Variants in ADAMTSL1 observed in about 807,000 individuals in gnomAD.
ADAMTSL1 encodes the protein ADAMTS like 1, also known as ADAMTS-like protein 1.
Under a neutral mutation model 201.8 loss-of-function variants are expected in ADAMTSL1, and 126 were observed. The observed-to-expected ratio is 0.62, with a 90% CI of 0.54 to 0.72. The LOEUF (loss-of-function observed/expected upper bound fraction) is 0.72. ADAMTSL1 is among the 30% of genes least tolerant of loss of function. ADAMTSL1 has a pLI of 0.00. For missense variants in ADAMTSL1, 2,679 were observed against 2,277.8 expected (o/e 1.18, Z -3.59); for synonymous variants, 1,121 against 903.4 (o/e 1.24, Z -4.32).
At chr9:18,029,633 T>C (rs1265569076) in intron 1 of ADAMTSL1, among the ~76,000 whole-genome samples, 4 of 151,700 alleles carry the variant, frequency 2.6e-5, no homozygotes, top group African/African-American at 9.7e-5. Flanking sequence ...GGAGAAAATT[T>C]TCGCAACCTA....
chr9:18,300,477 G>A (rs1385130512), intron 2 of ADAMTSL1, among the ~76,000 whole-genome samples: 1 of 152,084 alleles, frequency 6.6e-6, no homozygotes, highest in African/African-American at 2.4e-5. Flanking sequence ...GGGGGGCTGG[G>A]GGAGGGATAG....
rs1563913279 is a variant in ADAMTSL1, at chr9:18,909,660, A to AAC, written c.*1112_*1113insAC. On this transcript the variant is annotated 3_prime_UTR_variant, in exon 29 of 29. Coordinates refer to ENST00000380548, the MANE Select transcript of ADAMTSL1 (RefSeq NM_001040272.6). The stretch of plus-strand genomic sequence containing the variant: ...TTAACTAGTCACTGTGCCAGAGAGT[A>AAC]TCTGTCAGGCTGTCAGGTTGTAGCA... 8.2e-5 allele frequency: 7 copies of AAC among 85,044 alleles called. No individual in the cohort carries two copies. The highest frequency in any genetic ancestry group is 3.0e-4 in the African/African-American group (7 of 23,318). 5.3% of individuals were successfully genotyped at this position (85,044 alleles called of 1,614,324 possible).
chr9:18,884,528 A>G (rs1022037266), intron 23 of ADAMTSL1, among the ~76,000 whole-genome samples: 1 of 152,096 alleles, frequency 6.6e-6, no homozygotes, highest in Non-Finnish European at 1.5e-5. Context: ...ATTTTTTTTA[A>G]GAGTTTTATG....
chr9:18,314,051 C>G (rs200656240), intron 2 of ADAMTSL1, among the ~76,000 whole-genome samples: 2 of 152,038 alleles, frequency 1.3e-5, no homozygotes, highest in Non-Finnish European at 2.9e-5. Context: ...CCAAGGACAA[C>G]GTAAAAACGC....
chr9:18,650,481 C>A (rs891416625), intron 7 of ADAMTSL1, among the ~76,000 whole-genome samples: 1 of 152,114 alleles, frequency 6.6e-6, no homozygotes, highest in East Asian at 1.9e-4. Context: ...CCGTCTTCTG[C>A]GTAGCTCACG....
At position 17,919,606 on chromosome 9, in the gene ADAMTSL1, CATA is replaced by C. The variant is rs1479116677; in HGVS notation, c.87+12687_87+12689del. Among the ~76,000 whole-genome samples the C allele has an allele frequency of 2.6e-5, 4 of 152,136 alleles. No homozygotes were observed. In the South Asian group the frequency reaches 6.2e-4, roughly 24 times the overall value. ...TTTGTGACTGTCTGATTTCACTTAA[CATA>C]ATGTGTTTAAGGTTTATCCAAGTTG... On this transcript the variant is annotated intron_variant, in intron 1 of 29. Coordinates refer to the ADAMTSL1 transcript ENST00000680146.
At chr9:18,516,650 C>T (rs1818380261) in intron 2 of ADAMTSL1, among the ~76,000 whole-genome samples, 1 of 152,180 alleles carries the variant, frequency 6.6e-6, no homozygotes, top group Non-Finnish European at 1.5e-5. Flanking sequence ...ACTTGTATGA[C>T]ATTGGACTAG....
intron 1 of ADAMTSL1, among the ~76,000 whole-genome samples, chr9:17,988,464 ACT>A (rs1819011779): frequency 6.6e-6 from 1 of 152,048 alleles, no homozygotes; most frequent in Non-Finnish European, 1.5e-5. Flanking sequence ...GGATTATTAC[ACT>A]GATGTGAAAA....
chr9:18,053,128 A>G (rs1822009020), intron 1 of ADAMTSL1, among the ~76,000 whole-genome samples: 1 of 152,218 alleles, frequency 6.6e-6, no homozygotes, highest in African/African-American at 2.4e-5. Flanking sequence ...TGCTGTGGGA[A>G]AATGAGATCT....
At chr9:18,619,983 C>G (rs572054980) in intron 4 of ADAMTSL1, among the ~76,000 whole-genome samples, 5 of 151,104 alleles carry the variant, frequency 3.3e-5, no homozygotes, top group African/African-American at 1.2e-4. Context: ...AGGATTTGGT[C>G]CCTCCAAGGC....
intron 23 of ADAMTSL1, among the ~76,000 whole-genome samples, chr9:18,865,846 T>G (rs2131438194): frequency 6.6e-6 from 1 of 152,236 alleles, no homozygotes; most frequent in South Asian, 2.1e-4. Context: ...CTTTAATAGC[T>G]GAGGCCTGGA....
intron 2 of ADAMTSL1, among the ~76,000 whole-genome samples, chr9:18,417,382 G>GAAAAAAAAAAAAAAAAAA (rs750731863): frequency 1.8e-5 from 2 of 108,850 alleles, no homozygotes; most frequent in African/African-American, 3.4e-5. Flanking sequence ...AAAAAAAAAA[G>GAAAAAAAAAAAAAAAAAA]AAAAAAAAAA....
At chr9:18,768,129 G>C (rs1820468892) in intron 16 of ADAMTSL1, among the ~76,000 whole-genome samples, 1 of 152,258 alleles carries the variant, frequency 6.6e-6, no homozygotes, top group African/African-American at 2.4e-5. Context: ...CTGCCAGTCA[G>C]GGATGGTCAC....
intron 1 of ADAMTSL1, among the ~76,000 whole-genome samples, chr9:18,088,671 A>C (rs150988133): frequency 6.6e-6 from 1 of 152,178 alleles, no homozygotes; most frequent in Non-Finnish European, 1.5e-5. Flanking sequence ...TGAACACTAC[A>C]ATCCACAATG....
chr9:17,934,921 A>G (rs1197930756), intron 1 of ADAMTSL1, among the ~76,000 whole-genome samples: 1 of 125,052 alleles, frequency 8.0e-6, no homozygotes. Context: ...AAAAAAAAAA[A>G]CTTCTGTATT....
intron 4 of ADAMTSL1, among the ~76,000 whole-genome samples, chr9:18,619,167 T>C (rs745519482): frequency 7.2e-5 from 11 of 152,216 alleles, no homozygotes; most frequent in Non-Finnish European, 1.6e-4. Context: ...TATTTCTGTT[T>C]ATTTTTCTCT....
At chr9:18,030,921 T>C (rs1586920289) in intron 1 of ADAMTSL1, among the ~76,000 whole-genome samples, 2 of 152,282 alleles carry the variant, frequency 1.3e-5, no homozygotes, top group East Asian at 3.9e-4. Context: ...GTTTTTGAGC[T>C]TTGAATTTTT....
chr9:18,869,015 C>T (rs1490668081), intron 23 of ADAMTSL1, among the ~76,000 whole-genome samples: 1 of 152,130 alleles, frequency 6.6e-6, no homozygotes, highest in African/African-American at 2.4e-5. Flanking sequence ...GACCCTAATC[C>T]AACATGACTG....
rs376904215 is a variant in ADAMTSL1, at chr9:18,868,748, C to T, written c.4250-19083C>T. On this transcript the variant is annotated intron_variant, in intron 23 of 28. Coordinates refer to ENST00000380548, the MANE Select transcript of ADAMTSL1 (RefSeq NM_001040272.6). Reference sequence around the variant, plus strand: ...GAGGAATTTATGCAGATTTTGGGAGCTCTTTTTCTGTGTAGCACCCTCAAC... The same window carrying T: ...GAGGAATTTATGCAGATTTTGGGAGTTCTTTTTCTGTGTAGCACCCTCAAC... Among the ~76,000 whole-genome samples, 364 of 152,342 alleles carry T rather than the reference C, an allele frequency of 2.4e-3. 20 individuals carry two copies. The South Asian group carries it at 0.072, about 30-fold the overall frequency.
Sources: allele counts gnomAD v4.1 joint callset (sites outside exome capture counted in the v4.1 genomes callset), GRCh38; gene constraint gnomAD v4.1.1; transcripts MANE v1.5; gene names NCBI Gene and HGNC (gene_info 2026-07-23, HGNC 2026-07-21).